The following SPINK5 variants were observed in gnomAD, a reference collection of about 807,000 sequenced individuals.
SPINK5 encodes the protein serine peptidase inhibitor Kazal type 5, also known as serine protease inhibitor Kazal-type 5.
A neutral mutation model predicts 151.8 loss-of-function variants in SPINK5; 125 were observed. The observed-to-expected ratio is 0.82, with a 90% CI of 0.71 to 0.96. The LOEUF (loss-of-function observed/expected upper bound fraction) is 0.96. SPINK5 is among the 40% of genes least tolerant of loss of function. The probability of loss-of-function intolerance (pLI) is 0.00; values close to 1 mark genes in which losing one functional copy is unlikely to be tolerated. For synonymous variants in SPINK5, 374 were observed against 395.3 expected, an observed-to-expected ratio of 0.95 and a Z score of 0.64; for missense variants, 1,194 against 1,291.9, an observed-to-expected ratio of 0.92 and a Z score of 1.16.
At chr5:148,106,393 C>T (rs1171450226) in intron 16 of SPINK5, among the ~76,000 whole-genome samples, 1 of 152,102 alleles carries the variant, frequency 6.6e-6, no homozygotes, top group Non-Finnish European at 1.5e-5. Context: ...GCGATCAAAG[C>T]TCACTACAAC....
Position 148,131,311 on chromosome 5 carries a change from G to A in SPINK5, c.3017G>A (p.Cys1006Tyr). ...YRVLPRIGYL[C>Y]PKDLKPVCGD... The stretch of plus-strand genomic sequence containing the variant: ...GTATTGCCCAGGATAGGTTATCTTT[G>A]TCCAAAGGATTTAAAGCCTGTCTGT... Residue 1006 changes from cysteine to tyrosine, a missense_variant, in exon 31 of 33, where the codon TGT becomes TAT. Physicochemically the swap from Cys to Tyr is radical, Grantham distance 194 (BLOSUM62 -2). Transcript: ENST00000256084. 1 of 1,613,868 alleles carries A rather than the reference G, an allele frequency of 6.2e-7. No individual in the cohort carries two copies. The highest frequency in any genetic ancestry group is 2.2e-5 in the East Asian group (1 of 44,848).
chr5:148,119,975 C>A (rs201412859), intron 24 of SPINK5, 34 bp from the exon 25 acceptor site: 8 of 1,611,090 alleles, frequency 5.0e-6, no homozygotes, highest in Non-Finnish European at 6.8e-6. Context: ...TATGTAAAAA[C>A]AGCACTTCCA....
intron 26 of SPINK5, among the ~76,000 whole-genome samples, chr5:148,120,913 G>A (rs1167814736): frequency 6.6e-6 from 1 of 152,018 alleles, no homozygotes; most frequent in East Asian, 1.9e-4. Context: ...GAGAAGCTGA[G>A]GCGGGCAGAT....
chr5:148,078,051 TC>T (rs1009421872), intron 4 of SPINK5, among the ~76,000 whole-genome samples: 1 of 151,162 alleles, frequency 6.6e-6, no homozygotes, highest in Non-Finnish European at 1.5e-5. Flanking sequence ...ATAAGCTATC[TC>T]CAGTAGGTGC....
intron 30 of SPINK5, among the ~76,000 whole-genome samples, chr5:148,129,744 A>G (rs1395664694): frequency 6.6e-6 from 1 of 152,212 alleles, no homozygotes; most frequent in Non-Finnish European, 1.5e-5. Flanking sequence ...GAACAAGTAC[A>G]CAAATACTGC....
intron 8 of SPINK5, 27 bp downstream of exon 8, chr5:148,091,255 G>T (rs201778028): frequency 1.9e-6 from 3 of 1,604,190 alleles, no homozygotes; most frequent in East Asian, 4.5e-5. Context: ...ACGCAATTTT[G>T]TTCTTGTGGC....
chr5:148,065,763 T>C (rs1201386495), intron 2 of SPINK5, among the ~76,000 whole-genome samples: 1 of 152,108 alleles, frequency 6.6e-6, no homozygotes, highest in African/African-American at 2.4e-5. Context: ...CAAAAGAGGG[T>C]GGTCTGTATC....
At position 148,124,837 on chromosome 5, in the gene SPINK5, G is replaced by T. The variant is rs762853841; in HGVS notation, c.2739G>T (p.Lys913Asn). 2 of 1,593,644 alleles carry T rather than the reference G, an allele frequency of 1.3e-6. No homozygotes were observed. The highest frequency in any genetic ancestry group is 1.8e-5 in the Admixed American group (1 of 56,910). ...GTAGCAAGCCCTCAAATAATGCAAA[G>T]GTTATTTATTAAAGGATACCAAAAT... ...KSSSKPSNNA[K>N]DECSEFRNYI... Residue 913 changes from lysine (K) to asparagine (N), a missense_variant and splice_region_variant, in exon 28 of 33, where the codon AAG becomes AAT. By Grantham distance (94) the Lys-to-Asn change is moderately conservative. Transcript: ENST00000256084.
chr5:148,127,010 G>C lies in SPINK5; in HGVS notation c.2895G>C (p.Lys965Asn). ...TAACAGAAGCTTTGGAAAGGGCAAA[G>C]CTTCAAGAAAAGCCATCCCATGTTA... ...VFLTEALERA[K>N]LQEKPSHVRA... The change falls in exon 30 of 33, where the codon AAG becomes AAC. Residue 965 changes from lysine (K) to asparagine (N), a missense_variant. Coordinates refer to ENST00000256084, the MANE Select transcript of SPINK5 (RefSeq NM_006846.4). The C allele has an allele frequency of 6.2e-7, 1 of 1,613,592 alleles. No homozygotes were observed. Among genetic ancestry groups the C allele is most frequent in the Non-Finnish European group, 8.5e-7 (1 of 1,179,764 alleles).
In SPINK5 at chr5:148,114,455, C is replaced by G. The variant is rs1754032594; in HGVS notation, c.1981C>G (p.His661Asp). 3 of 1,613,484 alleles carry G rather than the reference C, an allele frequency of 1.9e-6. No individual in the cohort carries two copies. The highest frequency in any genetic ancestry group is 1.1e-5 in the South Asian group (1 of 91,034). The change falls in exon 21 of 33, where the codon CAT becomes GAT. Residue 661 changes from histidine to aspartate, a missense_variant. His to Asp is a moderately conservative substitution (Grantham distance 81). Coordinates refer to ENST00000256084, the MANE Select transcript of SPINK5 (RefSeq NM_006846.4). ...DPVRGPDGKT[H>D]GNKCAMCKAV... ...TGTGCGTGGCCCAGATGGCAAGACC[C>G]ATGGCAACAAGTGTGCCATGTGTAA...
chr5:148,072,439 CGGAAACTAAGA>C (rs1427064770), intron 4 of SPINK5, among the ~76,000 whole-genome samples: 3 of 151,992 alleles, frequency 2.0e-5, no homozygotes, highest in African/African-American at 7.2e-5. Flanking sequence ...TAGGCACTGA[CGGAAACTAAGA>C]GGTGGAGTGA....
chr5:148,080,292 T>C (rs1449202503), intron 4 of SPINK5, among the ~76,000 whole-genome samples: 1 of 151,280 alleles, frequency 6.6e-6, no homozygotes, highest in Non-Finnish European at 1.5e-5. Flanking sequence ...AAACTCAATA[T>C]TGTTGAGATG....
intron 20 of SPINK5, among the ~76,000 whole-genome samples, chr5:148,113,809 T>C (rs544858464): frequency 1.3e-5 from 2 of 152,238 alleles, no homozygotes; most frequent in Non-Finnish European, 2.9e-5. Context: ...GAGAAAATTC[T>C]TCAGTATGAG....
rs762569707 is a variant in SPINK5 at position 148,089,079 on chromosome 5, C to T, written c.475-415C>T. The T allele has an allele frequency of 5.6e-5, 26 of 461,288 alleles. 1 individual carries two copies. The highest frequency in any genetic ancestry group is 3.9e-4 in the South Asian group (25 of 64,572). 28.6% of individuals were successfully genotyped at this position (461,288 alleles called of 1,614,324 possible). A position where few individuals can be genotyped will look rare whatever the true frequency, so the allele number is the denominator to read the frequency against. ...AAGAAAGGATCTCATACATGTCACACTTGTCTTTTTCCAGGTGAATGATTT... is the reference window on the plus strand; with the variant it reads ...AAGAAAGGATCTCATACATGTCACATTTGTCTTTTTCCAGGTGAATGATTT... On this transcript the variant is annotated intron_variant, in intron 6 of 32. Coordinates refer to ENST00000256084, the MANE Select transcript of SPINK5 (RefSeq NM_006846.4).
rs752583531 is a variant in SPINK5 at position 148,100,590 on chromosome 5, C to G, written c.1220+9C>G. 6.2e-7 allele frequency: 1 copy of G among 1,612,388 alleles called. No homozygotes were observed. The highest frequency in any genetic ancestry group is 1.1e-5 in the South Asian group (1 of 91,056). Reference sequence around the variant, plus strand: ...ATGTGTGAGGTCTTCTTGTGAGTAGCCCTGCAGCTGGGAACATGGAGGAAT... The same window carrying G: ...ATGTGTGAGGTCTTCTTGTGAGTAGGCCTGCAGCTGGGAACATGGAGGAAT... On this transcript the variant is annotated intron_variant, in intron 13 of 32. Transcript: ENST00000256084.
intron 26 of SPINK5, among the ~76,000 whole-genome samples, chr5:148,121,238 G>C (rs1372577967): frequency 6.7e-6 from 1 of 150,310 alleles, no homozygotes; most frequent in Non-Finnish European, 1.5e-5. Context: ...TTGCCACCTA[G>C]TGTTCAGTTT....
At position 148,070,436 on chromosome 5, in the gene SPINK5, G is replaced by T. The variant is rs370397387; in HGVS notation, c.195G>T (p.Thr65=). The T allele has an allele frequency of 4.7e-5, 75 of 1,612,334 alleles. No individual in the cohort carries two copies. The highest frequency in any genetic ancestry group is 5.8e-5 in the Non-Finnish European group (68 of 1,179,006). Residue 65 remains threonine (T), a synonymous_variant, in exon 3 of 33, where the codon ACG becomes ACT. Coordinates refer to ENST00000256084, the MANE Select transcript of SPINK5 (RefSeq NM_006846.4). ...DGIMFINKCA[T]CKMILEKEAK... is the part of the protein sequence containing the mutation. ...TAATGTTCATCAATAAATGTGCCACGTGCAAAATGATACTGTGAGTAAAGG... is the reference window on the plus strand; with the variant it reads ...TAATGTTCATCAATAAATGTGCCACTTGCAAAATGATACTGTGAGTAAAGG...
intron 4 of SPINK5, among the ~76,000 whole-genome samples, chr5:148,075,231 C>G (rs893847192): frequency 4.6e-5 from 7 of 151,586 alleles, no homozygotes; most frequent in Non-Finnish European, 8.9e-5. Context: ...GTTTTTACCT[C>G]TACACTTCAG....
intron 19 of SPINK5, among the ~76,000 whole-genome samples, chr5:148,112,533 C>T (rs939393528): frequency 2.0e-5 from 3 of 151,990 alleles, no homozygotes; most frequent in African/African-American, 7.3e-5. Context: ...ATTAACTGGG[C>T]ATGGTGGTGC....
Sources: allele counts gnomAD v4.1 joint callset (sites outside exome capture counted in the v4.1 genomes callset), GRCh38; gene constraint gnomAD v4.1.1; transcripts MANE v1.5; gene names NCBI Gene and HGNC (gene_info 2026-07-23, HGNC 2026-07-21).